Variants in LDB2 observed in about 807,000 individuals in gnomAD.
The protein encoded by LDB2 is LIM domain-binding protein 2.
In LDB2, 12 loss-of-function variants were observed where a neutral mutation model predicts 44.3. The ratio of observed to expected loss-of-function variants is 0.27; its 90% CI spans 0.17 to 0.44. The LOEUF is 0.44. Ranked by LOEUF, LDB2 falls within the 20% of genes least tolerant of loss-of-function variation. The pLI is 1.00. For missense variants in LDB2, 344 were observed against 473.5 expected (o/e 0.73, Z 2.54); for synonymous variants, 164 against 174.8 (o/e 0.94, Z 0.49).
chr4:16,581,418 C>T (rs1295447646), intron 5 of LDB2: 6 of 985,042 alleles, frequency 6.1e-6, no homozygotes, highest in Non-Finnish European at 7.2e-6. Context: ...CTTGACCATG[C>T]TGTTACTGGA....
chr4:16,744,666 C>T (rs772903456), intron 2 of LDB2, among the ~76,000 whole-genome samples: 2 of 151,980 alleles, frequency 1.3e-5, no homozygotes, highest in Non-Finnish European at 2.9e-5. Flanking sequence ...TTAATAGAGA[C>T]GGGGTTTCAC....
chr4:16,760,159 A>T lies in LDB2; in HGVS notation c.133-899T>A, dbSNP rs564813092. On this transcript the variant is annotated intron_variant, in intron 1 of 7. Transcript: ENST00000304523. ...AAATTCTTAAGCACCATGTTTTTCC[A>T]GAGAATTAGAAGTTGAAGACAAGAT... is the stretch of plus-strand genomic sequence containing the variant. Among the ~76,000 whole-genome samples, 10 of 152,294 alleles carry T rather than the reference A, an allele frequency of 6.6e-5. No homozygotes were observed. In the East Asian group the frequency reaches 1.5e-3, roughly 24 times the overall value.
chr4:16,571,990 A>G (rs1353236416), intron 5 of LDB2, among the ~76,000 whole-genome samples: 1 of 152,164 alleles, frequency 6.6e-6, no homozygotes, highest in Non-Finnish European at 1.5e-5. Flanking sequence ...CTACAGTAAT[A>G]GTTGCTGTCT....
Position 16,518,275 on chromosome 4 carries a change from G to A in LDB2, c.616-6171C>T, listed in dbSNP as rs531111844. ...ATTCTTCTGGGGCATCTCATTGCCC[G>A]AATCTCAGGAACAGGTGGTGCTTGT... is the stretch of plus-strand genomic sequence containing the variant. On this transcript the variant is annotated intron_variant, in intron 5 of 7. Transcript: ENST00000304523. Among the ~76,000 whole-genome samples, 39 of 152,234 alleles carry A rather than the reference G, an allele frequency of 2.6e-4. No individual in the cohort carries two copies. The South Asian group carries it at 8.1e-3, about 32-fold the overall frequency.
At chr4:16,779,241 C>A (rs1772631669) in intron 1 of LDB2, among the ~76,000 whole-genome samples, 1 of 152,188 alleles carries the variant, frequency 6.6e-6, no homozygotes, top group South Asian at 2.1e-4. Context: ...AATGTTTATG[C>A]AATTTGCTTT....
chr4:16,867,368 A>G (rs1715062670), intron 1 of LDB2, among the ~76,000 whole-genome samples: 1 of 152,156 alleles, frequency 6.6e-6, no homozygotes, highest in African/African-American at 2.4e-5. Context: ...TAGGTCAATT[A>G]CCCCCAGAGT....
chr4:16,864,515 G>A (rs750407291), intron 1 of LDB2, among the ~76,000 whole-genome samples: 12 of 152,168 alleles, frequency 7.9e-5, no homozygotes, highest in Non-Finnish European at 1.6e-4. Context: ...AAACACTAAA[G>A]ATGGGTAGGT....
At chr4:16,627,316 C>T (rs996131635) in intron 2 of LDB2, among the ~76,000 whole-genome samples, 4 of 152,126 alleles carry the variant, frequency 2.6e-5, no homozygotes, top group Non-Finnish European at 5.9e-5. Flanking sequence ...CTACTGGGAG[C>T]AGTGTGCTTC....
intron 2 of LDB2, among the ~76,000 whole-genome samples, chr4:16,601,037 G>A (rs576276676): frequency 3.3e-5 from 5 of 152,006 alleles, no homozygotes; most frequent in South Asian, 4.2e-4. Flanking sequence ...AAGAAACTGC[G>A]TGTAGAAAAT....
chr4:16,522,276 T>TTGTGTGTGTGTGCGTG (rs1553878110), intron 5 of LDB2, among the ~76,000 whole-genome samples: 2 of 150,234 alleles, frequency 1.3e-5, no homozygotes, highest in Non-Finnish European at 3.0e-5. Context: ...GTGTGTGTGT[T>TTGTGTGTGTGTGCGTG]TGTGTGTGTG....
chr4:16,825,427 G>A (rs574071578), intron 1 of LDB2, among the ~76,000 whole-genome samples: 4 of 152,092 alleles, frequency 2.6e-5, no homozygotes, highest in Non-Finnish European at 5.9e-5. Context: ...AGGCAAGCAG[G>A]GTACCTTGAA....
rs1160323443 is a variant in LDB2 at position 16,533,803 on chromosome 4, A to T, written c.616-21699T>A. Among the ~76,000 whole-genome samples the T allele has an allele frequency of 6.6e-6, 1 of 152,194 alleles. No homozygotes were observed. The highest frequency in any genetic ancestry group is 2.4e-5 in the African/African-American group (1 of 41,454). ...GAAATTTTTAATTAAATGTATTCAA[A>T]GGGAATACAGATTAATGCCTCTAAG... On this transcript the variant is annotated intron_variant, in intron 5 of 7. Transcript: ENST00000304523. This position sits in a 1 kb window ranked among gnomAD's most constrained non-coding sequence, Gnocchi z 4.1.
chr4:16,864,758 C>G (rs1714058551), intron 1 of LDB2, among the ~76,000 whole-genome samples: 2 of 151,986 alleles, frequency 1.3e-5, no homozygotes, highest in Non-Finnish European at 1.5e-5. Context: ...AACCCTGTCT[C>G]TACTAAAAAT....
intron 1 of LDB2, among the ~76,000 whole-genome samples, chr4:16,822,111 T>TA (rs34620323): frequency 0.035 from 5,129 of 146,970 alleles, 179 homozygotes; most frequent in African/African-American, 0.089. Flanking sequence ...CTAGGATTGT[T>TA]AAAAAAAAAA....
intron 1 of LDB2, among the ~76,000 whole-genome samples, chr4:16,773,534 G>A (rs1339690895): frequency 2.6e-5 from 4 of 152,038 alleles, no homozygotes; most frequent in African/African-American, 7.2e-5. Context: ...AATAGGGTTT[G>A]TGCTCCTATG....
At chr4:16,738,144 T>C (rs1181072540) in intron 2 of LDB2, among the ~76,000 whole-genome samples, 1 of 152,156 alleles carries the variant, frequency 6.6e-6, no homozygotes, top group Non-Finnish European at 1.5e-5. Context: ...ATTTAGAATA[T>C]CCAACCAAAG....
chr4:16,860,888 A>T (rs1712310198), intron 1 of LDB2, among the ~76,000 whole-genome samples: 1 of 151,494 alleles, frequency 6.6e-6, no homozygotes, highest in African/African-American at 2.4e-5. Flanking sequence ...GAAAAAACTG[A>T]ATACCCCAGG....
intron 5 of LDB2, among the ~76,000 whole-genome samples, chr4:16,581,692 A>G (rs1714533987): frequency 6.6e-6 from 1 of 152,004 alleles, no homozygotes; most frequent in South Asian, 2.1e-4. Context: ...CTTCTCTATG[A>G]AGACTTTGCA....
intron 2 of LDB2, among the ~76,000 whole-genome samples, chr4:16,690,869 A>C (rs985131577): frequency 1.3e-5 from 2 of 152,166 alleles, no homozygotes; most frequent in Non-Finnish European, 2.9e-5. Flanking sequence ...TTTTTAATAC[A>C]GTTAAAATGA....
Sources: allele counts gnomAD v4.1 joint callset (sites outside exome capture counted in the v4.1 genomes callset), GRCh38; gene constraint gnomAD v4.1.1; non-coding constraint Gnocchi (gnomAD v3.1); transcripts MANE v1.5; gene names NCBI Gene and HGNC (gene_info 2026-07-23, HGNC 2026-07-21).